Variants in SPATS2 observed in about 807,000 individuals in gnomAD.
The protein encoded by SPATS2 is spermatogenesis-associated serine-rich protein 2.
Under a neutral mutation model 63.7 loss-of-function variants are expected in SPATS2, and 38 were observed. The ratio of observed to expected loss-of-function variants is 0.60; its 90% confidence interval spans 0.46 to 0.78. The LOEUF is 0.78. Among genes scored for constraint, SPATS2 ranks in the 30% least tolerant of loss-of-function variants. The pLI, the probability that SPATS2 is intolerant of heterozygous loss-of-function variation, is 0.00. For missense variants in SPATS2, 588 were observed against 666.2 expected, an observed-to-expected ratio of 0.88 and a Z score of 1.29; for synonymous variants, 207 against 232.9, an observed-to-expected ratio of 0.89 and a Z score of 1.01.
chr12:49,418,237 C>T (rs1275569170), intron 2 of SPATS2, among the ~76,000 whole-genome samples: 1 of 151,558 alleles, frequency 6.6e-6, no homozygotes, highest in Non-Finnish European at 1.5e-5. Flanking sequence ...GCCTCAGCCT[C>T]CTGAGTAGCT....
chr12:49,369,276 C>T (rs983463041), intron 1 of SPATS2, among the ~76,000 whole-genome samples: 1 of 152,104 alleles, frequency 6.6e-6, no homozygotes, highest in African/African-American at 2.4e-5. Flanking sequence ...ATCCATCTGA[C>T]TTGGCCTCCC....
rs192407479 is a variant in SPATS2, at chr12:49,509,350, G to A, written c.840-5205G>A. On this transcript the variant is annotated intron_variant, in intron 9 of 13. Transcript: ENST00000552918. ...GGCTGGAGTGCAGTGGCATGATCTCGGCTCACTGCAACCCCTGCCTCCTGG... is the reference window on the plus strand; with the variant it reads ...GGCTGGAGTGCAGTGGCATGATCTCAGCTCACTGCAACCCCTGCCTCCTGG... Among the ~76,000 whole-genome samples the A allele has an allele frequency of 7.0e-3, 929 of 133,090 alleles. 20 individuals carry two copies. Among genetic ancestry groups the A allele is most frequent in the Non-Finnish European group, 5.8e-3 (378 of 65,230 alleles). The allele number at this position is 133,090 out of a possible 152,430, so 87.3% of individuals were successfully genotyped here. A position where few individuals can be genotyped will look rare whatever the true frequency, so the allele number is the denominator to read the frequency against.
chr12:49,430,099 G>GTT (rs536889902), intron 2 of SPATS2, among the ~76,000 whole-genome samples: 11,890 of 98,348 alleles, frequency 0.12, 1,229 homozygotes, highest in African/African-American at 0.22. Context: ...CATATTTCTT[G>GTT]TTTTTTTTTT....
intron 2 of SPATS2, among the ~76,000 whole-genome samples, chr12:49,379,499 C>T (rs1163520837): frequency 3.6e-5 from 5 of 139,198 alleles, no homozygotes; most frequent in African/African-American, 1.1e-4. Context: ...TGCAATGAGC[C>T]GCGATCACGC....
chr12:49,482,483 TTCC>T (rs1946223404), intron 3 of SPATS2, among the ~76,000 whole-genome samples: 1 of 152,198 alleles, frequency 6.6e-6, no homozygotes, highest in Admixed American at 6.5e-5. Flanking sequence ...CTGTAACTGC[TTCC>T]TCCTCACACT....
intron 9 of SPATS2, 58 bp downstream of exon 9, chr12:49,500,263 G>GA (rs1302846816): frequency 6.6e-7 from 1 of 1,514,404 alleles, no homozygotes; most frequent in Non-Finnish European, 8.8e-7. Context: ...TAAATATAAA[G>GA]ATGGTCAGCC....
intron 12 of SPATS2, among the ~76,000 whole-genome samples, chr12:49,523,684 G>A (rs969149659): frequency 4.6e-5 from 7 of 152,146 alleles, no homozygotes; most frequent in African/African-American, 1.4e-4. Flanking sequence ...AGGCGCGGTG[G>A]CTCATGCCTG....
intron 10 of SPATS2, among the ~76,000 whole-genome samples, chr12:49,517,460 T>C (rs1299635636): frequency 6.6e-6 from 1 of 152,232 alleles, no homozygotes; most frequent in African/African-American, 2.4e-5. Context: ...TGTTACAGGA[T>C]TCTATGTATA....
Position 49,398,160 on chromosome 12 carries a change from AG to A in SPATS2, c.-244+26871del, listed in dbSNP as rs1359167052. On this transcript the variant is annotated intron_variant, in intron 2 of 13. Transcript: ENST00000552918. ...CAAAAAAAAAAAAAAAAAAAAAAAA[AG>A]AAAAGAAAAGAAAAATTTGATGGCT... 3.1e-3 allele frequency among the ~76,000 whole-genome samples: 450 copies of A among 145,144 alleles called. 3 individuals are homozygous for A. Among genetic ancestry groups the A allele is most frequent in the Non-Finnish European group, 4.4e-3 (288 of 66,202 alleles).
At chr12:49,436,963 C>T (rs1317820612) in intron 2 of SPATS2, among the ~76,000 whole-genome samples, 1 of 146,766 alleles carries the variant, frequency 6.8e-6, no homozygotes, top group African/African-American at 2.5e-5. Flanking sequence ...AGGGGGCTAA[C>T]CCCCCCACCT....
intron 9 of SPATS2, among the ~76,000 whole-genome samples, chr12:49,512,605 G>C (rs1946771185): frequency 6.6e-6 from 1 of 152,194 alleles, no homozygotes; most frequent in Non-Finnish European, 1.5e-5. Context: ...AAAAAAGCCT[G>C]ATTGTGTTGA....
chr12:49,524,638 C>T, intron 12 of SPATS2, 44 bp from the exon 13 acceptor site: 1 of 1,581,018 alleles, frequency 6.3e-7, no homozygotes, highest in African/African-American at 1.3e-5. Context: ...ATCCATTGTG[C>T]TGTTCTATCA....
In SPATS2 at chr12:49,469,610, G is replaced by T; in HGVS notation, c.25+8573G>T. ...AACTTTTCACAGCTGAGAAATATGG[G>T]CCAGGCACAGTGGCTCACATCTGTA... is the stretch of plus-strand genomic sequence containing the variant. On this transcript the variant is annotated intron_variant, in intron 3 of 13. Coordinates refer to ENST00000552918, the MANE Select transcript of SPATS2 (RefSeq NM_023071.4). The T allele has an allele frequency of 4.8e-6, 2 of 420,384 alleles. 1 individual carries two copies. The highest frequency in any genetic ancestry group is 3.5e-5 in the South Asian group (2 of 56,836). 26.0% of individuals were successfully genotyped at this position (420,384 alleles called of 1,614,324 possible). A position where few individuals can be genotyped will look rare whatever the true frequency, so the allele number is the denominator to read the frequency against.
intron 2 of SPATS2, among the ~76,000 whole-genome samples, chr12:49,396,799 G>A (rs1285845796): frequency 1.3e-5 from 2 of 152,184 alleles, no homozygotes; most frequent in Non-Finnish European, 2.9e-5. Context: ...CTTGTTTTGG[G>A]CTGAGTACAT....
chr12:49,428,273 C>CA (rs35741319), intron 2 of SPATS2, among the ~76,000 whole-genome samples: 1,737 of 138,422 alleles, frequency 0.013, 21 homozygotes, highest in African/African-American at 0.039. Context: ...AACAAACAAA[C>CA]AAAAAAAAAA....
At chr12:49,499,265 G>T (rs1346038390) in intron 8 of SPATS2, among the ~76,000 whole-genome samples, 1 of 152,070 alleles carries the variant, frequency 6.6e-6, no homozygotes, top group African/African-American at 2.4e-5. Context: ...AAATAATTTT[G>T]CCCTGTTGCT....
chr12:49,487,145 C>G (rs1328719643), intron 4 of SPATS2, among the ~76,000 whole-genome samples: 1 of 152,006 alleles, frequency 6.6e-6, no homozygotes, highest in Non-Finnish European at 1.5e-5. Context: ...AATTCTTTTA[C>G]CCTTTAAATG....
chr12:49,472,618 TATATATATATAA>T lies in SPATS2; in HGVS notation c.25+11583_25+11594del, dbSNP rs1248223969. Among the ~76,000 whole-genome samples, 70 of 147,524 alleles carry T rather than the reference TATATATATATAA, an allele frequency of 4.7e-4. No individual in the cohort carries two copies. The South Asian group carries it at 0.012, about 26-fold the overall frequency. The stretch of plus-strand genomic sequence containing the variant: ...TGGCTTATTTTATATATTTTATATA[TATATATATATAA>T]AATATTATATTATATTATTATATTA... On this transcript the variant is annotated intron_variant, in intron 3 of 13. Coordinates refer to ENST00000552918, the MANE Select transcript of SPATS2 (RefSeq NM_023071.4).
chr12:49,410,366 G>A (rs574198088), intron 2 of SPATS2, among the ~76,000 whole-genome samples: 60 of 152,204 alleles, frequency 3.9e-4, no homozygotes, highest in African/African-American at 1.2e-3. Flanking sequence ...GTGAGCCACC[G>A]TGCCCAGCCT....
Sources: allele counts gnomAD v4.1 joint callset (sites outside exome capture counted in the v4.1 genomes callset), GRCh38; gene constraint gnomAD v4.1.1; transcripts MANE v1.5; gene names NCBI Gene and HGNC (gene_info 2026-07-23, HGNC 2026-07-21).